MTIF2: variants seen among roughly 807,000 people sequenced by gnomAD.
MTIF2 encodes the protein mitochondrial translational initiation factor 2.
Under a neutral mutation model 83.5 loss-of-function variants are expected in MTIF2, and 71 were observed. That is an observed-to-expected ratio of 0.85 (90% CI 0.70 to 1.04). The LOEUF is 1.04. MTIF2 is among the 50% of genes least tolerant of loss of function. MTIF2 has a pLI of 0.00. For missense variants in MTIF2, 957 were observed against 846.5 expected (o/e 1.13, Z -1.62); for synonymous variants, 319 against 287.1 (o/e 1.11, Z -1.12).
Position 55,252,561 on chromosome 2 carries a change from C to G in MTIF2, c.757G>C (p.Asp253His). 1 of 1,614,138 alleles carries G rather than the reference C, an allele frequency of 6.2e-7. No homozygotes were observed. The highest frequency in any genetic ancestry group is 8.5e-7 in the Non-Finnish European group (1 of 1,179,982). Residue 253 changes from aspartate (D) to histidine (H), a missense_variant, in exon 8 of 16, where the codon GAC (aspartate) becomes CAC (histidine). This residue lies in a region of MTIF2 where 733 missense variants were observed against 648.7 expected (regional missense o/e 1.13). Transcript: ENST00000263629. ...AMRARGAQVTDIVVLVVAADD... is the reference protein window; with the variant it reads ...AMRARGAQVTHIVVLVVAADD... ...GCAGCTACAACCAATACGACAATGT[C>G]AGTGACCTGAGCACCTCTGGCTCTC...
intron 3 of MTIF2, chr2:55,266,619 TATATAA>T (rs1287554850): frequency 6.7e-6 from 1 of 148,748 alleles, no homozygotes; most frequent in East Asian, 1.9e-4. Context: ...ACATATATAT[TATATAA>T]ATATATTTAT....
At chr2:55,263,428 C>T (rs539719344) in intron 4 of MTIF2, among the ~76,000 whole-genome samples, 1 of 151,984 alleles carries the variant, frequency 6.6e-6, no homozygotes, top group African/African-American at 2.4e-5. Context: ...CATTTTAGAC[C>T]GAGTAATAAA....
intron 6 of MTIF2, among the ~76,000 whole-genome samples, 176 bp from the exon 7 acceptor site, chr2:55,254,377 C>T (rs1677351008): frequency 1.3e-5 from 2 of 152,162 alleles, no homozygotes; most frequent in Admixed American, 1.3e-4. Context: ...TAACTGCCTA[C>T]CTACCTGTGG....
At chr2:55,238,243 G>A (rs535328143) in intron 14 of MTIF2, among the ~76,000 whole-genome samples, 2 of 151,804 alleles carry the variant, frequency 1.3e-5, no homozygotes, top group African/African-American at 2.4e-5. Context: ...TCTTGAATTC[G>A]TGGCCTCAAG....
At chr2:55,258,047 C>T (rs1236799450) in intron 5 of MTIF2, among the ~76,000 whole-genome samples, 1 of 152,210 alleles carries the variant, frequency 6.6e-6, no homozygotes, top group East Asian at 1.9e-4. Flanking sequence ...TTGCCTCAGC[C>T]TCTGAAAGTG....
At chr2:55,266,592 T>A in intron 3 of MTIF2, 1 of 149,024 alleles carries the variant, frequency 6.7e-6, no homozygotes, top group East Asian at 1.9e-4. Context: ...TATGCTTATA[T>A]TTTATATTTA....
chr2:55,237,255 T>C (rs1483598134), intron 15 of MTIF2, 33 bp downstream of exon 15: 2 of 1,591,816 alleles, frequency 1.3e-6, no homozygotes, highest in African/African-American at 2.7e-5. Flanking sequence ...GGTGACTGGA[T>C]ATGCTATTAT....
At chr2:55,239,625 T>C (rs1251689303) in intron 14 of MTIF2, among the ~76,000 whole-genome samples, 2 of 152,220 alleles carry the variant, frequency 1.3e-5, no homozygotes, top group Non-Finnish European at 2.9e-5. Context: ...AAATATTTAA[T>C]ATTTAAATGT....
chr2:55,237,575 T>A (rs1675952662), intron 14 of MTIF2, 147 bp from the exon 15 acceptor site: 1 of 583,190 alleles, frequency 1.7e-6, no homozygotes, highest in Admixed American at 3.8e-5. Context: ...TTAACTCCAA[T>A]TTTATTTTCC....
chr2:55,239,722 G>A (rs1056200395), intron 14 of MTIF2, among the ~76,000 whole-genome samples: 2 of 152,042 alleles, frequency 1.3e-5, no homozygotes, highest in African/African-American at 4.8e-5. Context: ...ATCTTTATGC[G>A]TTCAATAGTA....
intron 10 of MTIF2, among the ~76,000 whole-genome samples, chr2:55,245,197 T>C (rs1487554699): frequency 6.6e-6 from 1 of 152,154 alleles, no homozygotes; most frequent in African/African-American, 2.4e-5. Context: ...ATTCCACTCA[T>C]ATGAAGTATC....
At chr2:55,254,566 A>G (rs1413692807) in intron 6 of MTIF2, 88 bp downstream of exon 6, 1 of 1,190,448 alleles carries the variant, frequency 8.4e-7, no homozygotes, top group South Asian at 1.9e-5. Flanking sequence ...TACAAAAGAA[A>G]TTTTAAAGCA....
chr2:55,243,706 C>CAT, intron 11 of MTIF2, 38 bp from the exon 12 acceptor site: 1 of 1,593,164 alleles, frequency 6.3e-7, no homozygotes, highest in Middle Eastern at 1.7e-4. Flanking sequence ...ATGAAATAGA[C>CAT]ATCAATAACT....
chr2:55,255,767 A>G (rs1325411673), intron 5 of MTIF2, among the ~76,000 whole-genome samples: 7 of 152,128 alleles, frequency 4.6e-5, no homozygotes, highest in Non-Finnish European at 8.8e-5. Flanking sequence ...CAGCTGAAAC[A>G]GTGTCACCTC....
At chr2:55,239,933 C>T in intron 14 of MTIF2, 78 bp downstream of exon 14, 4 of 1,287,702 alleles carry the variant, frequency 3.1e-6, no homozygotes, top group Non-Finnish European at 3.2e-6. Flanking sequence ...AAAACGTTTC[C>T]TCTAAGCTTT....
At position 55,254,737 on chromosome 2, in the gene MTIF2, T is replaced by A; in HGVS notation, c.420A>T (p.Glu140Asp). 6.2e-7 allele frequency: 1 copy of A among 1,611,442 alleles called. No homozygotes were observed. The highest frequency in any genetic ancestry group is 8.5e-7 in the Non-Finnish European group (1 of 1,178,926). Residue 140 changes from glutamate (E) to aspartate (D), a missense_variant, in exon 6 of 16, where the codon GAA becomes GAT. Coordinates refer to ENST00000263629, the MANE Select transcript of MTIF2 (RefSeq NM_002453.3). ...ACTTCATCCCTGCCTTCGTTATCAC[T>A]TCTTTGATCCAGACTTCATCTAAAT... ...DSHLDEVWIK[E>D]VITKAGMKLK...
intron 9 of MTIF2, 138 bp downstream of exon 9, chr2:55,249,257 T>C: frequency 1.8e-6 from 2 of 1,094,690 alleles, no homozygotes; most frequent in Non-Finnish European, 2.6e-6. Flanking sequence ...GATAATACCA[T>C]CTTTGCCTGG....
rs1558542967 is a variant in MTIF2 at position 55,236,705 on chromosome 2, A to C, written c.2127T>G (p.Ile709Met). ...DNMEFQVGDR[I>M]VCYEEKQIQA... ...GAATTTGCTTTTCTTCATAACAAAC[A>C]ATTCTGTCTCCCACTTGAAATTCCA... Residue 709 changes from isoleucine (I) to methionine (M), a missense_variant, in exon 16 of 16, where the codon ATT (isoleucine) becomes ATG (methionine). Ile to Met is a conservative substitution (Grantham distance 10, BLOSUM62 1). This residue lies in a region of MTIF2 where 221 missense variants were observed against 180.6 expected (regional missense o/e 1.22). Transcript: ENST00000263629. 1 of 1,606,938 alleles carries C rather than the reference A, an allele frequency of 6.2e-7. No homozygotes were observed. Among genetic ancestry groups the C allele is most frequent in the Admixed American group, 1.7e-5 (1 of 58,016 alleles).
intron 2 of MTIF2, among the ~76,000 whole-genome samples, chr2:55,268,040 G>T (rs955095095): frequency 3.3e-5 from 5 of 152,088 alleles, no homozygotes; most frequent in Admixed American, 2.6e-4. Context: ...ATCACCTGAG[G>T]TCAGGAGTTC....
Sources: gnomAD v4.1 joint callset for allele counts (sites outside exome capture counted in the v4.1 genomes callset) on GRCh38, gnomAD v4.1.1 for gene constraint, gnomAD v4.1.1 regional missense constraint, MANE v1.5 for transcripts, NCBI Gene and HGNC (gene_info 2026-07-23, HGNC 2026-07-21) for gene names.